TRIM6: variants seen among roughly 807,000 people sequenced by gnomAD.
TRIM6 encodes tripartite motif-containing protein 6.
TRIM6 carries 43 observed loss-of-function variants against 51.2 expected under a neutral mutation model. That is an observed-to-expected ratio of 0.84 (90% CI 0.66 to 1.08). The LOEUF (loss-of-function observed/expected upper bound fraction) is 1.08, where lower values mean the gene tolerates loss of function less well. Among genes scored for constraint, TRIM6 ranks in the 50% least tolerant of loss-of-function variants. The pLI is 0.00. For synonymous variants in TRIM6, 215 were observed against 232.4 expected (o/e 0.93, Z 0.68); for missense variants, 669 against 619.0 (o/e 1.08, Z -0.86).
At chr11:5,604,782 A>G (rs1388020509) in intron 3 of TRIM6, 153 bp downstream of exon 3, 5 of 711,886 alleles carry the variant, frequency 7.0e-6, no homozygotes, top group Non-Finnish European at 1.1e-5. Flanking sequence ...CCTTCCAAAC[A>G]GGGGGAGGAG....
intron 3 of TRIM6, 42 bp downstream of exon 3, chr11:5,604,671 AT>A (rs774583358): frequency 2.7e-5 from 43 of 1,595,336 alleles, no homozygotes; most frequent in Non-Finnish European, 3.2e-5. Flanking sequence ...GGCAGGAATC[AT>A]GGCAGGTCAT....
chr11:5,604,861 A>G (rs1036647241), intron 3 of TRIM6: 5 of 488,420 alleles, frequency 1.0e-5, no homozygotes, highest in Non-Finnish European at 1.8e-5. Flanking sequence ...AACCATGGCT[A>G]GGGGTCGCCC....
chr11:5,601,255 G>A (rs1308550238), intron 1 of TRIM6, among the ~76,000 whole-genome samples: 2 of 152,158 alleles, frequency 1.3e-5, no homozygotes, highest in Non-Finnish European at 1.5e-5. Context: ...GTTTGAGGAC[G>A]AAGCTTTGAA....
chr11:5,596,658 C>T lies in TRIM6; in HGVS notation c.-240C>T. ...TCCCAGAAGGAGTTGGGAGATGAGC[C>T]TTCCGCAAACTCCTGACCTGTGGGT... On this transcript the variant is annotated 5_prime_UTR_variant, in exon 1 of 8. Transcript: ENST00000380097. 1.9e-6 allele frequency: 1 copy of T among 532,364 alleles called. No individual in the cohort carries two copies. The highest frequency in any genetic ancestry group is 3.2e-6 in the Non-Finnish European group (1 of 309,046). The allele number at this position is 532,364 out of a possible 1,614,324, so 33.0% of individuals were successfully genotyped here.
Position 5,605,366 on chromosome 11 carries a change from CCAGA to C in TRIM6, c.638_641del (p.Thr213SerfsTer9), listed in dbSNP as rs1564866790. ...AGATGGAGCCTGAGAGATGCAGGAT[CCAGA>C]CAGAGTTTAATCAGCTGCGAAATAT... On this transcript the variant is annotated frameshift_variant, in exon 4 of 8. Transcript: ENST00000380097. LOFTEE classifies it high-confidence loss of function. The C allele has an allele frequency of 1.9e-6, 3 of 1,614,112 alleles. No homozygotes were observed. The highest frequency in any genetic ancestry group is 2.5e-6 in the Non-Finnish European group (3 of 1,180,028).
In TRIM6 at chr11:5,602,787, C is replaced by G. The variant is rs561423125; in HGVS notation, c.18-459C>G. 2.6e-5 allele frequency among the ~76,000 whole-genome samples: 4 copies of G among 151,406 alleles called. No individual in the cohort carries two copies. The South Asian group carries it at 8.4e-4, about 32-fold the overall frequency. The stretch of plus-strand genomic sequence containing the variant: ...TGGCTAACATGGTGAAACTCCATCT[C>G]TACTAAAAATACAAAAACTAGCCAG... On this transcript the variant is annotated intron_variant, in intron 1 of 7. Transcript: ENST00000380097.
chr11:5,608,248 G>T, intron 4 of TRIM6, 124 bp from the exon 5 acceptor site: 2 of 1,418,434 alleles, frequency 1.4e-6, no homozygotes, highest in Non-Finnish European at 1.9e-6. Context: ...TCTCTACTTT[G>T]TGGCCTCCAC....
rs1847490676 is a variant in TRIM6 at position 5,596,761 on chromosome 11, G to C, written c.-137G>C. The C allele has an allele frequency of 1.3e-5, 18 of 1,343,686 alleles. No individual in the cohort carries two copies. The highest frequency in any genetic ancestry group is 1.9e-5 in the Non-Finnish European group (18 of 946,402). 83.2% of individuals were successfully genotyped at this position (1,343,686 alleles called of 1,614,324 possible). ...GGAACGGAACGGAGCAGAGTCGTGCGTGGTTGAGTTTAGATAAAAGCCGAG... is the reference window on the plus strand; with the variant it reads ...GGAACGGAACGGAGCAGAGTCGTGCCTGGTTGAGTTTAGATAAAAGCCGAG... On this transcript the variant is annotated 5_prime_UTR_variant, in exon 1 of 8. Coordinates refer to ENST00000380097, the MANE Select transcript of TRIM6 (RefSeq NM_001003818.3).
Position 5,596,843 on chromosome 11 carries a change from C to CT in TRIM6, c.-52dup. 1 of 1,613,572 alleles carries CT rather than the reference C, an allele frequency of 6.2e-7. No homozygotes were observed. The highest frequency in any genetic ancestry group is 8.5e-7 in the Non-Finnish European group (1 of 1,179,812). On this transcript the variant is annotated 5_prime_UTR_variant, in exon 1 of 8. Coordinates refer to ENST00000380097, the MANE Select transcript of TRIM6 (RefSeq NM_001003818.3). ...AGGTGCCTTGGATTGCTCTGAAGAG[C>CT]TTTGACCACCTGATATTGCTTACAT...
intron 1 of TRIM6, 25 bp downstream of exon 1, chr11:5,596,939 G>A: frequency 6.2e-7 from 1 of 1,613,994 alleles, no homozygotes; most frequent in Non-Finnish European, 8.5e-7. Context: ...CTGTTGACTG[G>A]CTCTTATTGT....
chr11:5,596,652 A>T lies in TRIM6; in HGVS notation c.-246A>T, dbSNP rs559425464. 1.4e-5 allele frequency: 7 copies of T among 496,914 alleles called. No individual in the cohort carries two copies. The highest frequency in any genetic ancestry group is 2.1e-5 in the African/African-American group (1 of 48,432). 30.8% of individuals were successfully genotyped at this position (496,914 alleles called of 1,614,324 possible). A position where few individuals can be genotyped will look rare whatever the true frequency, so the allele number is the denominator to read the frequency against. ...GACTCCTCCCAGAAGGAGTTGGGAGATGAGCCTTCCGCAAACTCCTGACCT... is the reference window on the plus strand; with the variant it reads ...GACTCCTCCCAGAAGGAGTTGGGAGTTGAGCCTTCCGCAAACTCCTGACCT... On this transcript the variant is annotated 5_prime_UTR_variant, in exon 1 of 8. The change abolishes an upstream ATG in the 5' untranslated region. Coordinates refer to ENST00000380097, the MANE Select transcript of TRIM6 (RefSeq NM_001003818.3).
chr11:5,605,623 T>C, intron 4 of TRIM6, 56 bp downstream of exon 4: 1 of 1,535,304 alleles, frequency 6.5e-7, no homozygotes, highest in Non-Finnish European at 8.7e-7. Flanking sequence ...AAACTAACTT[T>C]CCTTCCTTTC....
rs1014638737 is a variant in TRIM6, at chr11:5,596,819, G to C, written c.-79G>C. ...GCTCTGTTCCTTAAGATTAGTTTAA[G>C]GTGCCTTGGATTGCTCTGAAGAGCT... is the stretch of plus-strand genomic sequence containing the variant. On this transcript the variant is annotated 5_prime_UTR_variant, in exon 1 of 8. Transcript: ENST00000380097. The C allele has an allele frequency of 2.5e-6, 4 of 1,610,582 alleles. No individual in the cohort carries two copies. The highest frequency in any genetic ancestry group is 1.7e-5 in the Admixed American group (1 of 59,818).
At chr11:5,601,683 G>A (rs1241731353) in intron 1 of TRIM6, among the ~76,000 whole-genome samples, 1 of 152,044 alleles carries the variant, frequency 6.6e-6, no homozygotes, top group South Asian at 2.1e-4. Flanking sequence ...GCTTGAACCC[G>A]GGAGGCAGAG....
chr11:5,611,048 T>G lies in TRIM6; in HGVS notation c.1257T>G (p.Ala419=). 3 of 1,614,190 alleles carry G rather than the reference T, an allele frequency of 1.9e-6. No individual in the cohort carries two copies. Among genetic ancestry groups the G allele is most frequent in the Non-Finnish European group, 2.5e-6 (3 of 1,180,036 alleles). The change falls in exon 8 of 8, where the codon GCT becomes GCG. Residue 419 remains alanine, a synonymous_variant. Coordinates refer to ENST00000380097, the MANE Select transcript of TRIM6 (RefSeq NM_001003818.3). ...SFNHFAQNHS[A]YSRYQPQSGY... ...ACCATTTTGCTCAAAATCACAGTGC[T>G]TACTCCAGGTATCAGCCTCAGAGTG...
At chr11:5,606,968 C>G (rs1848248648) in intron 4 of TRIM6, among the ~76,000 whole-genome samples, 1 of 152,206 alleles carries the variant, frequency 6.6e-6, no homozygotes, top group South Asian at 2.1e-4. Flanking sequence ...CTTTGGGAGG[C>G]CGAGGCAGGC....
At chr11:5,610,009 C>A (rs1210002325) in intron 5 of TRIM6, 136 bp from the exon 6 acceptor site, 5 of 794,284 alleles carry the variant, frequency 6.3e-6, no homozygotes, top group South Asian at 1.8e-5. Context: ...AGTGCCAGGG[C>A]TGTTTGCAGA....
At chr11:5,608,549 A>G (rs1207004292) in intron 5 of TRIM6, among the ~76,000 whole-genome samples, 155 bp downstream of exon 5, 3 of 152,028 alleles carry the variant, frequency 2.0e-5, no homozygotes, top group Non-Finnish European at 2.9e-5. Context: ...TCCCCAAATA[A>G]AGGGGATGAA....
intron 4 of TRIM6, among the ~76,000 whole-genome samples, chr11:5,607,316 T>A (rs1333108947): frequency 6.6e-6 from 1 of 152,200 alleles, no homozygotes; most frequent in Non-Finnish European, 1.5e-5. Flanking sequence ...TTTCAGTTCC[T>A]CAGTACAGCC....
Sources: allele counts gnomAD v4.1 joint callset (sites outside exome capture counted in the v4.1 genomes callset), GRCh38; gene constraint gnomAD v4.1.1; transcripts MANE v1.5; gene names NCBI Gene and HGNC (gene_info 2026-07-23, HGNC 2026-07-21).